Variants in XNDC1N observed in about 807,000 individuals in gnomAD.
XNDC1N encodes the protein XRCC1 N-terminal domain containing 1, N-terminal like.
At chr11:71,896,531 C>T in the XNDC1N span, among the ~76,000 whole-genome samples, 1 of 152,202 alleles carries the variant, frequency 6.6e-6, no homozygotes, top group South Asian at 2.1e-4. Context: ...GGTTTTTAAG[C>T]TCTTCTGTTT....
the XNDC1N span, among the ~76,000 whole-genome samples, chr11:71,880,319 C>T: frequency 2.0e-5 from 3 of 152,222 alleles, no homozygotes; most frequent in East Asian, 5.8e-4. Flanking sequence ...TTGTTTATAA[C>T]AGACTCTAAT....
At chr11:71,890,720 C>A in the XNDC1N span, among the ~76,000 whole-genome samples, 4 of 152,024 alleles carry the variant, frequency 2.6e-5, no homozygotes, top group Non-Finnish European at 5.9e-5. Flanking sequence ...ATCATCGTCT[C>A]CCCTCATGAT....
chr11:71,881,981 C>T, the XNDC1N span, among the ~76,000 whole-genome samples: 42 of 151,722 alleles, frequency 2.8e-4, no homozygotes, highest in South Asian at 8.3e-3. Context: ...TGAAAATAAA[C>T]AAAATCTACA....
At chr11:71,899,651 C>A in the XNDC1N span, among the ~76,000 whole-genome samples, 3 of 152,216 alleles carry the variant, frequency 2.0e-5, no homozygotes, top group Non-Finnish European at 4.4e-5. Flanking sequence ...TCTCTATTCT[C>A]AATAAACCAG....
the XNDC1N span, among the ~76,000 whole-genome samples, chr11:71,873,896 GAACATA>G: frequency 6.6e-6 from 1 of 152,162 alleles, no homozygotes; most frequent in African/African-American, 2.4e-5. Flanking sequence ...TCTGGTGTCT[GAACATA>G]AATTAGAGTA....
the XNDC1N span, chr11:71,916,259 G>C: frequency 1.4e-6 from 1 of 699,868 alleles, no homozygotes; most frequent in Non-Finnish European, 2.6e-6. Flanking sequence ...TCAACTCAAG[G>C]AAAAAAGAGA....
the XNDC1N span, among the ~76,000 whole-genome samples, chr11:71,910,632 G>A: frequency 6.6e-6 from 1 of 152,176 alleles, no homozygotes; most frequent in Admixed American, 6.5e-5. Flanking sequence ...TGGGTAGAAG[G>A]TGTCCAAGAA....
At chr11:71,882,781 A>G in the XNDC1N span, among the ~76,000 whole-genome samples, 1 of 152,218 alleles carries the variant, frequency 6.6e-6, no homozygotes, top group Admixed American at 6.5e-5. Flanking sequence ...AATGGCATCC[A>G]AACTGTTGGG....
chr11:71,920,459 C>T, the XNDC1N span, among the ~76,000 whole-genome samples: 1 of 151,948 alleles, frequency 6.6e-6, no homozygotes, highest in African/African-American at 2.4e-5. Flanking sequence ...AGGCATGCAC[C>T]ACCACGCCTG....
chr11:71,876,196 G>GAGT, the XNDC1N span, among the ~76,000 whole-genome samples: 1 of 152,152 alleles, frequency 6.6e-6, no homozygotes, highest in Admixed American at 6.5e-5. Flanking sequence ...TTCCTGGAGA[G>GAGT]TTATGTGCAA....
At chr11:71,892,101 G>C in the XNDC1N span, among the ~76,000 whole-genome samples, 1 of 151,998 alleles carries the variant, frequency 6.6e-6, no homozygotes, top group Admixed American at 6.5e-5. Context: ...TCCCCCGCTG[G>C]ATATTAGAAA....
At chr11:71,899,301 C>T in the XNDC1N span, among the ~76,000 whole-genome samples, 7 of 152,044 alleles carry the variant, frequency 4.6e-5, no homozygotes, top group African/African-American at 1.4e-4. Flanking sequence ...TGGTGCACCA[C>T]ACAGGGAGGA....
At chr11:71,879,372 T>G in the XNDC1N span, among the ~76,000 whole-genome samples, 1 of 152,148 alleles carries the variant, frequency 6.6e-6, no homozygotes, top group Non-Finnish European at 1.5e-5. Flanking sequence ...TCAATATGAC[T>G]TTCCCAAATT....
At chr11:71,919,199 AG>A in the XNDC1N span, among the ~76,000 whole-genome samples, 1 of 152,310 alleles carries the variant, frequency 6.6e-6, no homozygotes, top group Admixed American at 6.5e-5. Context: ...AGTGGTTTAC[AG>A]ATACCATTTT....
chr11:71,875,057 T>C, the XNDC1N span, among the ~76,000 whole-genome samples: 1 of 152,106 alleles, frequency 6.6e-6, no homozygotes, highest in African/African-American at 2.4e-5. Flanking sequence ...AGAAGCCCCC[T>C]GGGACAATCT....
At chr11:71,921,967 C>A in the XNDC1N span, among the ~76,000 whole-genome samples, 1 of 152,036 alleles carries the variant, frequency 6.6e-6, no homozygotes, top group Non-Finnish European at 1.5e-5. Context: ...TGAGACCAGC[C>A]TGGCCAACAT....
At chr11:71,923,200 A>G in the XNDC1N span, 28 of 686,350 alleles carry the variant, frequency 4.1e-5, no homozygotes, top group South Asian at 3.7e-4. Flanking sequence ...TGAACTCACA[A>G]TGTCTCTTCT....
the XNDC1N span, among the ~76,000 whole-genome samples, chr11:71,896,040 G>C: frequency 1.3e-5 from 2 of 152,192 alleles, no homozygotes; most frequent in African/African-American, 2.4e-5. Context: ...CACTCTAAGA[G>C]GCCGAGTCAC....
chr11:71,901,269 C>T, the XNDC1N span, among the ~76,000 whole-genome samples: 31 of 152,110 alleles, frequency 2.0e-4, 1 homozygote, highest in African/African-American at 4.8e-5. Flanking sequence ...AATGCTCCTC[C>T]GATGTGCCTG....
Sources: allele counts gnomAD v4.1 joint callset (sites outside exome capture counted in the v4.1 genomes callset), GRCh38; gene constraint gnomAD v4.1.1; transcripts MANE v1.5; gene names NCBI Gene and HGNC (gene_info 2026-07-23, HGNC 2026-07-21).